Variants in TENM3 observed in about 807,000 individuals in gnomAD.
The protein encoded by TENM3 is teneurin-3.
TENM3 carries 63 observed loss-of-function variants against 255.1 expected under a neutral mutation model. The observed-to-expected ratio is 0.25, with a 90% CI of 0.20 to 0.30. TENM3 has a LOEUF of 0.30. Ranked by LOEUF, TENM3 falls within the 10% of genes least tolerant of loss-of-function variation. The probability of loss-of-function intolerance (pLI) is 1.00; values close to 1 mark genes in which losing one functional copy is unlikely to be tolerated. For synonymous variants in TENM3, 1,306 were observed against 1,322.3 expected (o/e 0.99, Z 0.27); for missense variants, 2,929 against 3,461.1 (o/e 0.85, Z 3.86).
In TENM3 at chr4:182,801,778, C is replaced by T. The variant is rs73869833; in HGVS notation, c.*1427C>T. Reference sequence around the variant, plus strand: ...AGCCTCTGCTCTGTCTCGGGGAAGCCGGGGGTGGCAGATCCAGCTGGAAGT... The same window carrying T: ...AGCCTCTGCTCTGTCTCGGGGAAGCTGGGGGTGGCAGATCCAGCTGGAAGT... On this transcript the variant is annotated 3_prime_UTR_variant, in exon 28 of 28. Coordinates refer to ENST00000511685, the MANE Select transcript of TENM3 (RefSeq NM_001080477.4). 0.028 allele frequency: 4,217 copies of T among 152,238 alleles called. 188 individuals carry two copies. Among genetic ancestry groups the T allele is most frequent in the African/African-American group, 0.094 (3,891 of 41,492 alleles). The allele number at this position is 152,238 out of a possible 1,614,324, so 9.4% of individuals were successfully genotyped here.
At chr4:182,621,978 A>G (rs1311724051) in intron 4 of TENM3, among the ~76,000 whole-genome samples, 1 of 150,376 alleles carries the variant, frequency 6.6e-6, no homozygotes, top group Non-Finnish European at 1.5e-5. Context: ...TAGAACAAAT[A>G]ACAAAATATA....
chr4:181,483,461 GC>G, the TENM3 span, among the ~76,000 whole-genome samples: 1 of 152,072 alleles, frequency 6.6e-6, no homozygotes, highest in Non-Finnish European at 1.5e-5. Context: ...AGACTCATCT[GC>G]AAGTCTTAGA....
intron 1 of TENM3, among the ~76,000 whole-genome samples, chr4:182,158,316 C>T (rs1233205568): frequency 6.6e-6 from 1 of 152,160 alleles, no homozygotes; most frequent in African/African-American, 2.4e-5. Context: ...ACTCACAAAT[C>T]AAACAAAACA....
the TENM3 span, among the ~76,000 whole-genome samples, chr4:181,716,496 A>G: frequency 6.6e-6 from 1 of 152,144 alleles, no homozygotes; most frequent in Non-Finnish European, 1.5e-5. Context: ...TCTGCCTACA[A>G]CACTGACTAG....
At chr4:182,176,155 A>G (rs76382885) in intron 1 of TENM3, among the ~76,000 whole-genome samples, 2 of 151,752 alleles carry the variant, frequency 1.3e-5, no homozygotes, top group Non-Finnish European at 2.9e-5. Context: ...AAAAGACACA[A>G]TGAGTGTAGG....
At chr4:181,495,213 G>A in the TENM3 span, among the ~76,000 whole-genome samples, 2 of 152,290 alleles carry the variant, frequency 1.3e-5, no homozygotes, top group South Asian at 4.1e-4. Flanking sequence ...TGCAGATTAA[G>A]GGGGAGAAAT....
chr4:181,605,369 G>A, the TENM3 span, among the ~76,000 whole-genome samples: 23 of 150,524 alleles, frequency 1.5e-4, no homozygotes, highest in Admixed American at 4.6e-4. Context: ...CTCTTAACCT[G>A]GAAGGCGGAG....
chr4:182,254,323 T>TC (rs1561247592), intron 1 of TENM3, among the ~76,000 whole-genome samples: 38 of 135,664 alleles, frequency 2.8e-4, no homozygotes, highest in African/African-American at 1.2e-3. Flanking sequence ...TGAGGACTTT[T>TC]TCTCTCTCTC....
At chr4:182,433,347 T>A (rs960204829) in intron 3 of TENM3, among the ~76,000 whole-genome samples, 1 of 152,096 alleles carries the variant, frequency 6.6e-6, no homozygotes, top group African/African-American at 2.4e-5. Flanking sequence ...TTACAATAGG[T>A]GCTTGTGGGA....
the TENM3 span, among the ~76,000 whole-genome samples, chr4:181,485,783 A>G: frequency 1.3e-5 from 2 of 152,208 alleles, no homozygotes; most frequent in South Asian, 4.1e-4. Context: ...GTTTAAAAAT[A>G]TAAAAGCAAT....
At chr4:181,974,526 C>T in the TENM3 span, among the ~76,000 whole-genome samples, 1 of 152,276 alleles carries the variant, frequency 6.6e-6, no homozygotes, top group East Asian at 1.9e-4. Flanking sequence ...CGAGATTGCG[C>T]TACTGCACTC....
At chr4:181,604,783 T>C in the TENM3 span, among the ~76,000 whole-genome samples, 2 of 152,248 alleles carry the variant, frequency 1.3e-5, no homozygotes, top group Admixed American at 6.5e-5. Context: ...CCTAGTCATA[T>C]AGCCTAAGAG....
At chr4:182,564,585 T>G (rs1324844824) in intron 3 of TENM3, among the ~76,000 whole-genome samples, 7 of 151,168 alleles carry the variant, frequency 4.6e-5, no homozygotes, top group Non-Finnish European at 7.4e-5. Flanking sequence ...TGTTTTGTTT[T>G]TTTTTTTTTT....
chr4:182,632,435 A>G (rs1204983770), intron 5 of TENM3, among the ~76,000 whole-genome samples: 1 of 152,112 alleles, frequency 6.6e-6, no homozygotes, highest in Non-Finnish European at 1.5e-5. Flanking sequence ...ATCTGTCTAT[A>G]TTTTATTATG....
At position 182,357,467 on chromosome 4, in the gene TENM3, A is replaced by G. The variant is rs182788384; in HGVS notation, c.511+10538A>G. ...TTTGATTTGCATTTCTCTGATGGCCAGTGATGGTGGCATTTTTTCATGTGT... is the reference window on the plus strand; with the variant it reads ...TTTGATTTGCATTTCTCTGATGGCCGGTGATGGTGGCATTTTTTCATGTGT... On this transcript the variant is annotated intron_variant, in intron 3 of 27. Transcript: ENST00000511685. Among the ~76,000 whole-genome samples, 1,097 of 152,192 alleles carry G rather than the reference A, an allele frequency of 7.2e-3. 5 individuals carry two copies. The highest frequency in any genetic ancestry group is 0.02 in the East Asian group (105 of 5,180).
intron 11 of TENM3, among the ~76,000 whole-genome samples, chr4:182,684,150 A>G (rs1359272240): frequency 6.6e-6 from 1 of 151,412 alleles, no homozygotes; most frequent in Admixed American, 6.6e-5. Context: ...AAGAGGAAAA[A>G]TGAGAAAGAG....
At chr4:181,927,356 C>T in the TENM3 span, among the ~76,000 whole-genome samples, 24 of 152,302 alleles carry the variant, frequency 1.6e-4, no homozygotes, top group Non-Finnish European at 2.9e-4. Flanking sequence ...TTTGCCATTA[C>T]TGGGGCCTGA....
At chr4:182,661,078 A>G (rs1754183204) in intron 6 of TENM3, among the ~76,000 whole-genome samples, 1 of 152,216 alleles carries the variant, frequency 6.6e-6, no homozygotes, top group Non-Finnish European at 1.5e-5. Flanking sequence ...TCCAATCAAA[A>G]GAACTCTTTT....
intron 3 of TENM3, among the ~76,000 whole-genome samples, chr4:182,430,831 G>T (rs1233757309): frequency 6.6e-6 from 1 of 151,792 alleles, no homozygotes; most frequent in East Asian, 2.0e-4. Flanking sequence ...GGGCAACATG[G>T]TGAAACCCTG....
Sources: gnomAD v4.1 joint callset for allele counts (sites outside exome capture counted in the v4.1 genomes callset) on GRCh38, gnomAD v4.1.1 for gene constraint, MANE v1.5 for transcripts, NCBI Gene and HGNC (gene_info 2026-07-23, HGNC 2026-07-21) for gene names.